RBFOX1: variants seen among roughly 807,000 people sequenced by gnomAD.
RBFOX1 encodes the protein RNA binding protein fox-1 homolog 1.
Under a neutral mutation model 57.7 loss-of-function variants are expected in RBFOX1, and 8 were observed. That is an observed-to-expected ratio of 0.14 (90% CI 0.08 to 0.25). The LOEUF (loss-of-function observed/expected upper bound fraction) is 0.25, where lower values mean the gene tolerates loss of function less well. RBFOX1 is among the 10% of genes least tolerant of loss of function. The pLI, the probability that RBFOX1 is intolerant of heterozygous loss-of-function variation, is 1.00. For missense variants in RBFOX1, 611 were observed against 548.5 expected, an observed-to-expected ratio of 1.11 and a Z score of -1.14; for synonymous variants, 326 against 222.4, an observed-to-expected ratio of 1.47 and a Z score of -4.15.
intron 3 of RBFOX1, among the ~76,000 whole-genome samples, chr16:6,746,176 T>C (rs1174244559): frequency 6.6e-6 from 1 of 152,104 alleles, no homozygotes; most frequent in Non-Finnish European, 1.5e-5. Flanking sequence ...GAGAGACTTA[T>C]CTTAGTCTCC....
chr16:7,554,725 TTA>T (rs1374848403), intron 5 of RBFOX1, among the ~76,000 whole-genome samples: 1 of 152,156 alleles, frequency 6.6e-6, no homozygotes, highest in Non-Finnish European at 1.5e-5. Flanking sequence ...GAAAAAAATT[TTA>T]TGAGTGCTGT....
chr16:5,399,463 C>T (rs1010919079), intron 1 of RBFOX1, among the ~76,000 whole-genome samples: 1 of 151,980 alleles, frequency 6.6e-6, no homozygotes, highest in Non-Finnish European at 1.5e-5. Context: ...TCTTAATCAC[C>T]CCATTGGGAG....
intron 4 of RBFOX1, among the ~76,000 whole-genome samples, chr16:7,425,736 C>A (rs2098604266): frequency 6.6e-6 from 1 of 152,312 alleles, no homozygotes; most frequent in East Asian, 1.9e-4. Context: ...ATAGAGACCC[C>A]TCCTCCCTCT....
intron 2 of RBFOX1, among the ~76,000 whole-genome samples, chr16:6,460,245 C>T (rs139791677): frequency 3.3e-5 from 5 of 151,906 alleles, no homozygotes; most frequent in South Asian, 2.1e-4. Context: ...CCATCTTTTC[C>T]CTGTGTTTTT....
At chr16:7,127,562 C>T (rs2068937369) in intron 4 of RBFOX1, among the ~76,000 whole-genome samples, 1 of 152,068 alleles carries the variant, frequency 6.6e-6, no homozygotes, top group Non-Finnish European at 1.5e-5. Context: ...CACGAGCGTG[C>T]ATGTGTGTGG....
At chr16:5,840,481 C>A (rs1296922653) in intron 3 of RBFOX1, among the ~76,000 whole-genome samples, 1 of 152,190 alleles carries the variant, frequency 6.6e-6, no homozygotes, top group East Asian at 1.9e-4. Flanking sequence ...TGGCGGTGAC[C>A]TGGCTCTACA....
At chr16:6,765,048 G>T (rs1015718093) in intron 3 of RBFOX1, among the ~76,000 whole-genome samples, 5 of 152,108 alleles carry the variant, frequency 3.3e-5, no homozygotes, top group African/African-American at 1.2e-4. Flanking sequence ...ATGGTGACAT[G>T]AAATTTAAGC....
chr16:5,266,663 T>TC (rs2062866735), intron 1 of RBFOX1, among the ~76,000 whole-genome samples: 2 of 146,542 alleles, frequency 1.4e-5, no homozygotes, highest in Admixed American at 1.4e-4. Flanking sequence ...TCCTCCCACC[T>TC]CAGCCCTCTG....
At chr16:5,637,685 C>T (rs1441398080) in intron 3 of RBFOX1, among the ~76,000 whole-genome samples, 1 of 152,138 alleles carries the variant, frequency 6.6e-6, no homozygotes, top group Non-Finnish European at 1.5e-5. Flanking sequence ...CCAGTAGTTC[C>T]CCAGGGAGGC....
At chr16:6,221,797 G>A (rs1041570203) in intron 1 of RBFOX1, among the ~76,000 whole-genome samples, 8 of 152,116 alleles carry the variant, frequency 5.3e-5, no homozygotes, top group African/African-American at 1.9e-4. Context: ...CAGATCTTGT[G>A]AAACTTAGTA....
At chr16:6,202,303 G>C (rs1230426760) in intron 1 of RBFOX1, among the ~76,000 whole-genome samples, 1 of 152,058 alleles carries the variant, frequency 6.6e-6, no homozygotes, top group African/African-American at 2.4e-5. Context: ...ATCAAAACTT[G>C]TCTAGGAAGA....
chr16:6,479,301 G>C (rs999545495), intron 2 of RBFOX1, among the ~76,000 whole-genome samples: 21 of 152,322 alleles, frequency 1.4e-4, no homozygotes, highest in African/African-American at 4.8e-4. Context: ...AGGTGAGAGA[G>C]AGCCAGAAAG....
At chr16:7,020,907 G>A (rs139137225) in intron 3 of RBFOX1, among the ~76,000 whole-genome samples, 5 of 152,232 alleles carry the variant, frequency 3.3e-5, no homozygotes, top group African/African-American at 1.2e-4. Flanking sequence ...CAGGCAAATC[G>A]CTTGAGGCCA....
intron 3 of RBFOX1, among the ~76,000 whole-genome samples, chr16:6,841,827 T>C (rs1244172088): frequency 2.6e-5 from 4 of 152,068 alleles, no homozygotes; most frequent in African/African-American, 9.7e-5. Context: ...GTTCTTCAGG[T>C]AGAATTTTTT....
At chr16:7,474,709 G>T (rs894909694) in intron 4 of RBFOX1, among the ~76,000 whole-genome samples, 1 of 152,126 alleles carries the variant, frequency 6.6e-6, no homozygotes, top group African/African-American at 2.4e-5. Context: ...TCCCTTTCCA[G>T]TTCTTAATTT....
chr16:5,332,189 C>T (rs1109889), intron 1 of RBFOX1, among the ~76,000 whole-genome samples: 2 of 152,024 alleles, frequency 1.3e-5, no homozygotes, highest in African/African-American at 4.8e-5. Context: ...TTTATTGTTT[C>T]TTTTATTTAA....
intron 3 of RBFOX1, among the ~76,000 whole-genome samples, chr16:5,719,184 C>G (rs933322986): frequency 5.3e-5 from 8 of 149,760 alleles, no homozygotes; most frequent in African/African-American, 1.7e-4. Context: ...GGCTGCCACC[C>G]ATACTTCATA....
chr16:6,818,199 C>T (rs76079289), intron 3 of RBFOX1, among the ~76,000 whole-genome samples: 2,610 of 152,180 alleles, frequency 0.017, 88 homozygotes, highest in African/African-American at 0.059. Context: ...GCTGTTGGTC[C>T]TGTGACAGTT....
At chr16:7,031,427 C>T (rs908814281) in intron 3 of RBFOX1, among the ~76,000 whole-genome samples, 4 of 152,032 alleles carry the variant, frequency 2.6e-5, no homozygotes, top group African/African-American at 9.7e-5. Context: ...GAAACCCCGT[C>T]TCTACTAAAA....
Sources: allele counts gnomAD v4.1 joint callset (sites outside exome capture counted in the v4.1 genomes callset), GRCh38; gene constraint gnomAD v4.1.1; transcripts MANE v1.5; gene names NCBI Gene and HGNC (gene_info 2026-07-23, HGNC 2026-07-21).